RABGAP1L: variants seen among roughly 807,000 people sequenced by gnomAD.
RABGAP1L encodes RAB GTPase activating protein 1 like.
In RABGAP1L, 63 loss-of-function variants were observed where a neutral mutation model predicts 137.7. The ratio of observed to expected loss-of-function variants is 0.46; its 90% CI spans 0.37 to 0.56. The LOEUF (loss-of-function observed/expected upper bound fraction) is 0.56. Ranked by LOEUF, RABGAP1L falls within the 20% of genes least tolerant of loss-of-function variation. The pLI, the probability that RABGAP1L is intolerant of heterozygous loss-of-function variation, is 0.00. For synonymous variants in RABGAP1L, 431 were observed against 433.7 expected, an observed-to-expected ratio of 0.99 and a Z score of 0.08; for missense variants, 1,095 against 1,244.0, an observed-to-expected ratio of 0.88 and a Z score of 1.80.
At chr1:174,974,846 G>A (rs1420337011) in intron 21 of RABGAP1L, among the ~76,000 whole-genome samples, 4 of 152,046 alleles carry the variant, frequency 2.6e-5, no homozygotes, top group African/African-American at 4.8e-5. Context: ...ACAGAAGGCC[G>A]CTTGGCCAGT....
chr1:174,583,828 AG>A (rs1188983200), intron 13 of RABGAP1L, among the ~76,000 whole-genome samples: 1 of 152,214 alleles, frequency 6.6e-6, no homozygotes, highest in Non-Finnish European at 1.5e-5. Context: ...ACTATGTGTC[AG>A]GTGCTATGAT....
intron 13 of RABGAP1L, among the ~76,000 whole-genome samples, chr1:174,543,109 T>A (rs1665630833): frequency 6.6e-6 from 1 of 152,176 alleles, no homozygotes; most frequent in South Asian, 2.1e-4. Context: ...GTCTATTAGA[T>A]CTGGTTGGTG....
At chr1:174,511,780 A>G (rs1325388019) in intron 13 of RABGAP1L, among the ~76,000 whole-genome samples, 4 of 151,468 alleles carry the variant, frequency 2.6e-5, no homozygotes, top group African/African-American at 7.3e-5. Flanking sequence ...GCACCACCAC[A>G]CCCAGCTGAT....
At chr1:174,371,705 A>G (rs990020662) in intron 12 of RABGAP1L, among the ~76,000 whole-genome samples, 1 of 152,136 alleles carries the variant, frequency 6.6e-6, no homozygotes. Context: ...ACTTCCCCAT[A>G]TTAGTATAGA....
intron 19 of RABGAP1L, among the ~76,000 whole-genome samples, chr1:174,851,221 T>C (rs3118987): frequency 0.67 from 101,478 of 152,122 alleles, 35,604 homozygotes; most frequent in East Asian, 0.93. Flanking sequence ...AGCAAAATTA[T>C]GTTCTAAAAC....
intron 14 of RABGAP1L, among the ~76,000 whole-genome samples, chr1:174,675,747 GGCCACGT>G (rs1677573946): frequency 6.6e-6 from 1 of 152,130 alleles, no homozygotes; most frequent in African/African-American, 2.4e-5. Flanking sequence ...ATGTGATTCA[GGCCACGT>G]GCTGAATTAT....
rs546510366 is a variant in RABGAP1L, at chr1:174,540,120, G to A, written c.1711-97255G>A. Among the ~76,000 whole-genome samples, 32 of 152,250 alleles carry A rather than the reference G, an allele frequency of 2.1e-4. No homozygotes were observed. The South Asian group carries it at 6.4e-3, about 31-fold the overall frequency. On this transcript the variant is annotated intron_variant, in intron 13 of 25. Coordinates refer to ENST00000681986, the MANE Select transcript of RABGAP1L (RefSeq NM_001366446.1). ...TGAGAAGTGTCTGTTCATATCCTTT[G>A]CCCACTTTTTGATGGGGTAGTTTGA...
chr1:174,724,924 G>A (rs1681864060), intron 17 of RABGAP1L, among the ~76,000 whole-genome samples: 1 of 152,166 alleles, frequency 6.6e-6, no homozygotes, highest in African/African-American at 2.4e-5. Context: ...TAGGGGAAGT[G>A]CATGCTTGAG....
chr1:174,326,684 T>C (rs1374078627), intron 11 of RABGAP1L, among the ~76,000 whole-genome samples: 2 of 152,108 alleles, frequency 1.3e-5, no homozygotes, highest in East Asian at 3.9e-4. Flanking sequence ...TGGAGAAATA[T>C]ACAAATATCC....
At chr1:174,672,384 G>T (rs112519723) in intron 14 of RABGAP1L, among the ~76,000 whole-genome samples, 1 of 149,750 alleles carries the variant, frequency 6.7e-6, no homozygotes, top group Admixed American at 6.7e-5. Context: ...GGGTTCAAGC[G>T]ATTCTCCTGC....
At chr1:174,639,822 T>C (rs1674376517) in intron 14 of RABGAP1L, among the ~76,000 whole-genome samples, 1 of 152,168 alleles carries the variant, frequency 6.6e-6, no homozygotes, top group African/African-American at 2.4e-5. Flanking sequence ...TGATTTGGTG[T>C]TGCAAATAAT....
At chr1:174,279,046 A>T (rs1409156552) in intron 10 of RABGAP1L, among the ~76,000 whole-genome samples, 1 of 152,224 alleles carries the variant, frequency 6.6e-6, no homozygotes. Context: ...TTGACTGCAT[A>T]TAAAACAACG....
At chr1:174,378,203 G>A (rs1685747022) in intron 12 of RABGAP1L, among the ~76,000 whole-genome samples, 1 of 149,770 alleles carries the variant, frequency 6.7e-6, no homozygotes, top group Non-Finnish European at 1.5e-5. Context: ...CATTTGGGTT[G>A]GTTCCAAGTC....
chr1:174,840,567 T>G (rs894236883), intron 19 of RABGAP1L, among the ~76,000 whole-genome samples: 2 of 151,240 alleles, frequency 1.3e-5, no homozygotes, highest in African/African-American at 4.9e-5. Flanking sequence ...ATCCCAGCAC[T>G]TTGGGAGGCT....
intron 11 of RABGAP1L, among the ~76,000 whole-genome samples, chr1:174,325,794 G>A (rs1249517795): frequency 6.6e-6 from 1 of 152,168 alleles, no homozygotes; most frequent in Admixed American, 6.5e-5. Flanking sequence ...GCCGGTGTGT[G>A]GAACTTGGAA....
chr1:174,251,479 A>G (rs543639273), intron 6 of RABGAP1L, among the ~76,000 whole-genome samples: 4 of 152,284 alleles, frequency 2.6e-5, no homozygotes, highest in Admixed American at 6.5e-5. Context: ...TTTAATTCTA[A>G]GAGTAGTTGC....
At chr1:174,296,498 G>A (rs1311457263) in intron 10 of RABGAP1L, among the ~76,000 whole-genome samples, 1 of 152,106 alleles carries the variant, frequency 6.6e-6, no homozygotes, top group Non-Finnish European at 1.5e-5. Context: ...ACTGCTTGTC[G>A]CCAACATTTA....
At chr1:174,740,167 A>T (rs926577449) in intron 17 of RABGAP1L, among the ~76,000 whole-genome samples, 2 of 152,166 alleles carry the variant, frequency 1.3e-5, no homozygotes, top group African/African-American at 4.8e-5. Flanking sequence ...TCCTTCTTAC[A>T]TCTTCATAGA....
chr1:174,471,855 A>G lies in RABGAP1L; in HGVS notation c.1710+77710A>G, dbSNP rs112256944. ...AACCCATAATCCCCAATATGACTAT[A>G]TTTGAAAACAGGGTCTGTGAGGAGG... On this transcript the variant is annotated intron_variant, in intron 13 of 25. Transcript: ENST00000681986. Among the ~76,000 whole-genome samples the G allele has an allele frequency of 1.3e-3, 203 of 152,260 alleles. 1 individual carries two copies. Among genetic ancestry groups the G allele is most frequent in the African/African-American group, 4.8e-3 (199 of 41,548 alleles).
Sources: gnomAD v4.1 joint callset for allele counts (sites outside exome capture counted in the v4.1 genomes callset) on GRCh38, gnomAD v4.1.1 for gene constraint, MANE v1.5 for transcripts, NCBI Gene and HGNC (gene_info 2026-07-23, HGNC 2026-07-21) for gene names.